Variants in DACH2 observed in about 807,000 individuals in gnomAD.
DACH2 encodes the protein dachshund family transcription factor 2.
A neutral mutation model predicts 35.8 loss-of-function variants in DACH2; 17 were observed. The ratio of observed to expected loss-of-function variants is 0.48; its 90% confidence interval spans 0.33 to 0.71. DACH2 has a LOEUF of 0.71. Among genes scored for constraint, DACH2 ranks in the 30% least tolerant of loss-of-function variants. The pLI is 0.02. For synonymous variants in DACH2, 195 were observed against 177.3 expected, an observed-to-expected ratio of 1.10 and a Z score of -0.79; for missense variants, 469 against 472.7, an observed-to-expected ratio of 0.99 and a Z score of 0.07.
chrX:86,484,806 G>A (rs1036403181), intron 2 of DACH2, among the ~76,000 whole-genome samples: 7 of 112,043 alleles, frequency 6.2e-5, no homozygotes, highest in African/African-American at 2.3e-4. Flanking sequence ...GAAAATTAAT[G>A]TCTTAAATTT....
In DACH2 at chrX:86,234,683, G is replaced by T. The variant is rs972641271; in HGVS notation, c.488+85575G>T. Among the ~76,000 whole-genome samples, 8 of 107,231 alleles carry T rather than the reference G, an allele frequency of 7.5e-5. No individual in the cohort carries two copies. The East Asian group carries it at 1.5e-3, about 20-fold the overall frequency. 93.1% of individuals were successfully genotyped at this position (107,231 alleles called of 115,157 possible). On this transcript the variant is annotated intron_variant, in intron 1 of 11. Coordinates refer to ENST00000373125, the MANE Select transcript of DACH2 (RefSeq NM_053281.3). Reference sequence around the variant, plus strand: ...GGCTGGAGTGCAGTGGTGCGATCTCGGCTCACTGCAACTTCTTCCTTCCCG... The same window carrying T: ...GGCTGGAGTGCAGTGGTGCGATCTCTGCTCACTGCAACTTCTTCCTTCCCG...
At chrX:86,348,080 G>C (rs1037405749) in intron 1 of DACH2, among the ~76,000 whole-genome samples, 2 of 111,456 alleles carry the variant, frequency 1.8e-5, no homozygotes, top group Middle Eastern at 4.2e-3. Flanking sequence ...AATGAATGCA[G>C]GTATATTTCT....
intron 1 of DACH2, among the ~76,000 whole-genome samples, chrX:86,329,383 C>T (rs2148046983): frequency 1.8e-5 from 2 of 110,948 alleles, no homozygotes; most frequent in African/African-American, 6.5e-5. Flanking sequence ...AATTACTTAA[C>T]AGCATGTAAA....
intron 2 of DACH2, among the ~76,000 whole-genome samples, chrX:86,389,949 G>A (rs1033133788): frequency 1.8e-5 from 2 of 111,950 alleles, no homozygotes; most frequent in Non-Finnish European, 3.8e-5. Context: ...TGGTTGTCAC[G>A]TTCATAATAA....
intron 7 of DACH2, among the ~76,000 whole-genome samples, chrX:86,801,210 T>C (rs2042290464): frequency 1.0e-5 from 1 of 99,981 alleles, no homozygotes; most frequent in Non-Finnish European, 2.0e-5. Context: ...GCTCAGTGCA[T>C]CAATTTTTTT....
intron 2 of DACH2, among the ~76,000 whole-genome samples, chrX:86,464,374 A>T (rs1003477371): frequency 9.0e-6 from 1 of 111,320 alleles, no homozygotes; most frequent in Non-Finnish European, 1.9e-5. Context: ...TTGCAGGGAC[A>T]TGGATGAAGC....
chrX:86,720,617 AGCTACTTTCACAG>A (rs200913746), intron 6 of DACH2, among the ~76,000 whole-genome samples: 4,691 of 112,136 alleles, frequency 0.042, 244 homozygotes, highest in African/African-American at 0.14. Flanking sequence ...GCACCCTCCC[AGCTACTTTCACAG>A]GATGGTGTTG....
rs566020539 is a variant in DACH2, at chrX:86,248,627, G to C, written c.488+99519G>C. On this transcript the variant is annotated intron_variant, in intron 1 of 11. Transcript: ENST00000373125. ...TAAAATGGCGTTACTCCCCAAAGCA[G>C]TGTATAGATTCAATGCTATTCCTAT... 3.6e-5 allele frequency among the ~76,000 whole-genome samples: 4 copies of C among 110,953 alleles called. No individual in the cohort carries two copies. In the South Asian group the frequency reaches 1.5e-3, roughly 42 times the overall value.
At chrX:86,512,419 AC>A (rs1434618842) in intron 2 of DACH2, among the ~76,000 whole-genome samples, 2 of 111,261 alleles carry the variant, frequency 1.8e-5, no homozygotes, top group African/African-American at 6.5e-5. Context: ...GTGAGAATTG[AC>A]CAAGAAATTT....
At chrX:86,341,066 G>T (rs1396943637) in intron 1 of DACH2, among the ~76,000 whole-genome samples, 2 of 112,226 alleles carry the variant, frequency 1.8e-5, no homozygotes, top group African/African-American at 6.5e-5. Flanking sequence ...AGAAGATCCA[G>T]CTAAGATAAT....
At chrX:86,445,184 C>G (rs1157711144) in intron 2 of DACH2, among the ~76,000 whole-genome samples, 3 of 109,205 alleles carry the variant, frequency 2.7e-5, no homozygotes, top group African/African-American at 1.0e-4. Flanking sequence ...TTGATGTATC[C>G]CATAGGATTT....
At chrX:86,271,948 T>C (rs2033820228) in intron 1 of DACH2, among the ~76,000 whole-genome samples, 1 of 111,159 alleles carries the variant, frequency 9.0e-6, no homozygotes, top group Non-Finnish European at 1.9e-5. Context: ...ATGTACACTG[T>C]ACCCATTAAG....
chrX:86,659,070 T>G (rs1462950849), intron 4 of DACH2, among the ~76,000 whole-genome samples: 1 of 111,293 alleles, frequency 9.0e-6, no homozygotes, highest in Non-Finnish European at 1.9e-5. Flanking sequence ...AAGATTGCCT[T>G]CTTTCTTTAT....
intron 3 of DACH2, among the ~76,000 whole-genome samples, chrX:86,587,871 A>C (rs1024319285): frequency 9.0e-6 from 1 of 111,646 alleles, no homozygotes; most frequent in Non-Finnish European, 1.9e-5. Flanking sequence ...GCTTTCATTT[A>C]ATTAGGTCCT....
At chrX:86,328,922 G>T (rs1412385763) in intron 1 of DACH2, among the ~76,000 whole-genome samples, 1 of 111,856 alleles carries the variant, frequency 8.9e-6, no homozygotes, top group African/African-American at 3.2e-5. Context: ...TTATCTACAT[G>T]CCTCATTTAT....
intron 3 of DACH2, among the ~76,000 whole-genome samples, chrX:86,636,511 C>T (rs1189322658): frequency 9.0e-6 from 1 of 110,982 alleles, no homozygotes; most frequent in Non-Finnish European, 1.9e-5. Context: ...TAAAAACAGA[C>T]ACATAGACCA....
intron 2 of DACH2, among the ~76,000 whole-genome samples, chrX:86,500,716 A>T (rs1295265614): frequency 2.7e-5 from 3 of 111,644 alleles, no homozygotes; most frequent in Non-Finnish European, 5.6e-5. Context: ...TGGAGTGTGG[A>T]GGAAGCGACT....
intron 2 of DACH2, among the ~76,000 whole-genome samples, chrX:86,441,417 G>T (rs2037159670): frequency 9.1e-6 from 1 of 109,842 alleles, no homozygotes; most frequent in Admixed American, 9.8e-5. Flanking sequence ...TGAGCGCCAG[G>T]TTCATCCATG....
At chrX:86,301,241 T>A (rs1278016868) in intron 1 of DACH2, among the ~76,000 whole-genome samples, 1 of 111,856 alleles carries the variant, frequency 8.9e-6, no homozygotes, top group African/African-American at 3.2e-5. Context: ...ATCATAAAAA[T>A]TTATTAGTCA....
Sources: allele counts gnomAD v4.1 joint callset (sites outside exome capture counted in the v4.1 genomes callset), GRCh38; gene constraint gnomAD v4.1.1; transcripts MANE v1.5; gene names NCBI Gene and HGNC (gene_info 2026-07-23, HGNC 2026-07-21).